Variants in NFIA observed in about 807,000 individuals in gnomAD.
NFIA encodes nuclear factor I A, also known as nuclear factor 1 A-type.
A neutral mutation model predicts 62.8 loss-of-function variants in NFIA; 8 were observed. The ratio of observed to expected loss-of-function variants is 0.13; its 90% CI spans 0.07 to 0.23. The LOEUF is 0.23. Among genes scored for constraint, NFIA ranks in the 10% least tolerant of loss-of-function variants. The probability of loss-of-function intolerance (pLI) is 1.00; values close to 1 mark genes in which losing one functional copy is unlikely to be tolerated. For missense variants in NFIA, 410 were observed against 642.1 expected, an observed-to-expected ratio of 0.64 and a Z score of 3.91; for synonymous variants, 235 against 238.1, an observed-to-expected ratio of 0.99 and a Z score of 0.12.
At chr1:61,384,608 A>C (rs1664585294) in intron 7 of NFIA, among the ~76,000 whole-genome samples, 1 of 152,206 alleles carries the variant, frequency 6.6e-6, no homozygotes, top group Admixed American at 6.5e-5. Context: ...TAGTATTAAG[A>C]TATTATCCTC....
chr1:61,098,278 A>T (rs1182844407), intron 2 of NFIA, among the ~76,000 whole-genome samples: 1 of 152,228 alleles, frequency 6.6e-6, no homozygotes, highest in Admixed American at 6.5e-5. Flanking sequence ...TAGATAATTG[A>T]GAACTAACGA....
At position 61,082,563 on chromosome 1, in the gene NFIA, G is replaced by T; in HGVS notation, c.-229G>T. On this transcript the variant is annotated 5_prime_UTR_variant, in exon 1 of 11. Coordinates refer to ENST00000403491, the MANE Select transcript of NFIA (RefSeq NM_001134673.4). ...TGGAGTGTAGGGAAACTCTAGGCGGGGTTAAAGTTCAGCTCATGGAGCGGC... is the reference window on the plus strand; with the variant it reads ...TGGAGTGTAGGGAAACTCTAGGCGGTGTTAAAGTTCAGCTCATGGAGCGGC... 1 of 1,460,852 alleles carries T rather than the reference G, an allele frequency of 6.8e-7. No individual in the cohort carries two copies. The highest frequency in any genetic ancestry group is 2.4e-5 in the Admixed American group (1 of 41,188). 90.5% of individuals were successfully genotyped at this position (1,460,852 alleles called of 1,614,324 possible).
At chr1:61,324,921 G>A (rs576224782) in intron 3 of NFIA, among the ~76,000 whole-genome samples, 1 of 152,178 alleles carries the variant, frequency 6.6e-6, no homozygotes, top group East Asian at 1.9e-4. Flanking sequence ...ATTGAAGTCT[G>A]TGCTCTAATT....
rs996034967 is a variant in NFIA, at chr1:61,101,022, T to C, written c.559+12342T>C. On this transcript the variant is annotated intron_variant, in intron 2 of 10. Coordinates refer to ENST00000403491, the MANE Select transcript of NFIA (RefSeq NM_001134673.4). ...ATTTCTATTGTGTTAAATTTTTTGT[T>C]TTCTTATATCAAAAATATTTTTGTA... Among the ~76,000 whole-genome samples, 8 of 152,128 alleles carry C rather than the reference T, an allele frequency of 5.3e-5. 1 individual carries two copies. Among genetic ancestry groups the C allele is most frequent in the Admixed American group, 5.2e-4 (8 of 15,260 alleles).
At chr1:61,105,255 AC>A (rs1329525637) in intron 2 of NFIA, among the ~76,000 whole-genome samples, 1 of 152,012 alleles carries the variant, frequency 6.6e-6, no homozygotes, top group African/African-American at 2.4e-5. Context: ...AGATTTTCTT[AC>A]GATAACTCAA....
chr1:61,247,145 G>T (rs1655696110), intron 2 of NFIA, among the ~76,000 whole-genome samples: 1 of 152,146 alleles, frequency 6.6e-6, no homozygotes, highest in Non-Finnish European at 1.5e-5. Flanking sequence ...AGATGGGGTA[G>T]AAATGCATCT....
intron 2 of NFIA, among the ~76,000 whole-genome samples, chr1:61,256,378 G>C (rs2100226140): frequency 6.8e-6 from 1 of 147,716 alleles, no homozygotes; most frequent in South Asian, 2.2e-4. Flanking sequence ...AGAGGTTGCA[G>C]TGAGCCAAGA....
At chr1:61,081,910 T>C (rs536299005), upstream of NFIA, 29 of 1,548,036 alleles carry the variant, frequency 1.9e-5, no homozygotes, top group Admixed American at 1.4e-4. Flanking sequence ...AAAAGTTACC[T>C]AGGAGGTCTG....
intron 2 of NFIA, among the ~76,000 whole-genome samples, chr1:61,173,895 G>T (rs567074327): frequency 8.5e-5 from 13 of 152,286 alleles, no homozygotes; most frequent in African/African-American, 3.1e-4. Context: ...GTACCTAAGA[G>T]AATTAAGTGA....
intron 6 of NFIA, among the ~76,000 whole-genome samples, chr1:61,372,016 T>C (rs977526894): frequency 4.6e-5 from 7 of 152,132 alleles, no homozygotes; most frequent in Admixed American, 6.6e-5. Flanking sequence ...TGTATAAAAT[T>C]GGATCCTTGT....
At chr1:61,368,067 A>G (rs1217981404) in intron 6 of NFIA, among the ~76,000 whole-genome samples, 5 of 152,198 alleles carry the variant, frequency 3.3e-5, no homozygotes, top group Non-Finnish European at 7.3e-5. Flanking sequence ...CAGATGTACA[A>G]TTTTGTGAAT....
At chr1:61,453,688 C>G (rs1406975837) in intron 10 of NFIA, among the ~76,000 whole-genome samples, 2 of 151,950 alleles carry the variant, frequency 1.3e-5, no homozygotes, top group African/African-American at 4.8e-5. Flanking sequence ...TTCCCCGCAC[C>G]CAAAGTTTGA....
chr1:61,454,091 T>A (rs1251248029), intron 10 of NFIA, among the ~76,000 whole-genome samples: 1 of 152,336 alleles, frequency 6.6e-6, no homozygotes, highest in East Asian at 1.9e-4. Context: ...TTACATTACC[T>A]AATGGAATCT....
rs2100599070 is a variant in NFIA at position 61,458,007 on chromosome 1, A to G, written c.*2687A>G. On this transcript the variant is annotated 3_prime_UTR_variant, in exon 11 of 11. Transcript: ENST00000403491. ...CTGGTTATCTCTATTTAAGGAAAAA[A>G]AAATAAAATAAAACATTTTGGATTT... The G allele has an allele frequency of 6.6e-6, 1 of 152,248 alleles. No homozygotes were observed. The highest frequency in any genetic ancestry group is 2.4e-5 in the African/African-American group (1 of 41,528). 9.4% of individuals were successfully genotyped at this position (152,248 alleles called of 1,614,324 possible).
Position 61,177,309 on chromosome 1 carries a change from C to T in NFIA, c.559+88629C>T, listed in dbSNP as rs560145199. ...TGAAAAAACGCAAAAGAAGCTTATC[C>T]GGAGATAGTTCAAAGATTGCTTTAA... On this transcript the variant is annotated intron_variant, in intron 2 of 10. Coordinates refer to ENST00000403491, the MANE Select transcript of NFIA (RefSeq NM_001134673.4). Among the ~76,000 whole-genome samples, 69 of 152,172 alleles carry T rather than the reference C, an allele frequency of 4.5e-4. 1 individual carries two copies. Among genetic ancestry groups the T allele is most frequent in the Middle Eastern group, 3.4e-3 (1 of 294 alleles).
At chr1:61,355,623 A>G (rs1202716346) in intron 5 of NFIA, among the ~76,000 whole-genome samples, 2 of 151,558 alleles carry the variant, frequency 1.3e-5, no homozygotes, top group African/African-American at 4.9e-5. Flanking sequence ...GTCTCTTTCT[A>G]TTACCCAAGG....
At chr1:61,293,662 C>A (rs1476061297) in intron 3 of NFIA, among the ~76,000 whole-genome samples, 1 of 152,148 alleles carries the variant, frequency 6.6e-6, no homozygotes, top group East Asian at 1.9e-4. Flanking sequence ...TACTCTAATT[C>A]AATTTAGTAG....
At chr1:61,334,724 A>T (rs1661509711) in intron 4 of NFIA, among the ~76,000 whole-genome samples, 1 of 151,460 alleles carries the variant, frequency 6.6e-6, no homozygotes, top group African/African-American at 2.4e-5. Flanking sequence ...TTTAAGCGTA[A>T]GATTGGAGCA....
chr1:61,226,715 AT>A (rs1654358731), intron 2 of NFIA, among the ~76,000 whole-genome samples: 6 of 152,206 alleles, frequency 3.9e-5, no homozygotes, highest in Admixed American at 3.9e-4. Context: ...AAAAAATTTT[AT>A]TTAACACTCA....
Sources: gnomAD v4.1 joint callset for allele counts (sites outside exome capture counted in the v4.1 genomes callset) on GRCh38, gnomAD v4.1.1 for gene constraint, MANE v1.5 for transcripts, NCBI Gene and HGNC (gene_info 2026-07-23, HGNC 2026-07-21) for gene names.